The following SPRED1 variants were observed in gnomAD, a reference collection of about 807,000 sequenced individuals.
SPRED1 encodes sprouty-related, EVH1 domain-containing protein 1.
SPRED1 carries 18 observed loss-of-function variants against 52.3 expected under a neutral mutation model. The observed-to-expected ratio is 0.34, with a 90% CI of 0.24 to 0.51. The LOEUF is 0.51. SPRED1 is among the 20% of genes least tolerant of loss of function. SPRED1 has a pLI of 0.97. For missense variants in SPRED1, 485 were observed against 551.0 expected (o/e 0.88, Z 1.20); for synonymous variants, 155 against 179.7 (o/e 0.86, Z 1.10).
intron 1 of SPRED1, among the ~76,000 whole-genome samples, chr15:38,262,530 A>G (rs1894227069): frequency 6.6e-6 from 1 of 152,196 alleles, no homozygotes; most frequent in Admixed American, 6.5e-5. Context: ...CAGAAAGAAG[A>G]AAAAGTTGGA....
intron 1 of SPRED1, among the ~76,000 whole-genome samples, chr15:38,290,557 A>T (rs1370543278): frequency 2.0e-5 from 3 of 152,202 alleles, no homozygotes; most frequent in African/African-American, 7.2e-5. Flanking sequence ...CTGCTGATAA[A>T]GACATACCCA....
chr15:38,278,770 AG>A (rs765702692), intron 1 of SPRED1, among the ~76,000 whole-genome samples: 3 of 6,754 alleles, frequency 4.4e-4, no homozygotes, highest in East Asian at 5.2e-3. Context: ...AGAATGACAA[AG>A]AAAAAAAAGT....
At chr15:38,271,523 AAAC>A (rs1255782857) in intron 1 of SPRED1, among the ~76,000 whole-genome samples, 1 of 152,204 alleles carries the variant, frequency 6.6e-6, no homozygotes, top group Non-Finnish European at 1.5e-5. Flanking sequence ...GAAAGGATAG[AAAC>A]TAACATTTTT....
At chr15:38,319,262 A>G (rs1895552270) in intron 2 of SPRED1, among the ~76,000 whole-genome samples, 1 of 152,238 alleles carries the variant, frequency 6.6e-6, no homozygotes, top group Non-Finnish European at 1.5e-5. Context: ...CTTGAATTCT[A>G]GAACTTAATC....
At chr15:38,305,355 CTT>C (rs112141797) in intron 2 of SPRED1, among the ~76,000 whole-genome samples, 1 of 136,286 alleles carries the variant, frequency 7.3e-6, no homozygotes, top group Non-Finnish European at 1.5e-5. Flanking sequence ...AAAAAAAAAA[CTT>C]TTTTTTTTTT....
chr15:38,274,185 G>A (rs1894497533), intron 1 of SPRED1, among the ~76,000 whole-genome samples: 1 of 152,162 alleles, frequency 6.6e-6, no homozygotes, highest in South Asian at 2.1e-4. Context: ...TTTAGAAAAA[G>A]TTTTTCCCTT....
intron 1 of SPRED1, among the ~76,000 whole-genome samples, chr15:38,261,562 TTTTTG>T (rs1334373648): frequency 6.6e-6 from 1 of 152,014 alleles, no homozygotes; most frequent in African/African-American, 2.4e-5. Flanking sequence ...TTTGTTTTTG[TTTTTG>T]TTTTTGTTTT....
At chr15:38,322,021 A>G (rs1485361458) in intron 2 of SPRED1, among the ~76,000 whole-genome samples, 1 of 152,202 alleles carries the variant, frequency 6.6e-6, no homozygotes, top group African/African-American at 2.4e-5. Flanking sequence ...GTGTATTCTT[A>G]AAATGGGAGT....
At chr15:38,313,797 T>G (rs776951172) in intron 2 of SPRED1, among the ~76,000 whole-genome samples, 10 of 151,830 alleles carry the variant, frequency 6.6e-5, no homozygotes, top group Non-Finnish European at 1.3e-4. Flanking sequence ...AATTGGACAT[T>G]GAGTTCATTT....
chr15:38,329,787 C>T (rs1308923641), intron 4 of SPRED1, among the ~76,000 whole-genome samples: 1 of 152,078 alleles, frequency 6.6e-6, no homozygotes, highest in Non-Finnish European at 1.5e-5. Context: ...CTTCTGGCAT[C>T]TTGTATACAA....
chr15:38,312,168 A>G (rs1256441899), intron 2 of SPRED1, among the ~76,000 whole-genome samples: 1 of 152,136 alleles, frequency 6.6e-6, no homozygotes, highest in Non-Finnish European at 1.5e-5. Flanking sequence ...TTGTGTTTCT[A>G]AATGGTTTCT....
intron 1 of SPRED1, among the ~76,000 whole-genome samples, chr15:38,272,084 G>A (rs8032426): frequency 0.78 from 117,945 of 151,988 alleles, 47,145 homozygotes; most frequent in Non-Finnish European, 0.87. Flanking sequence ...ACATGATTTT[G>A]TTCTTCTTTG....
chr15:38,265,140 CAT>C (rs941750883), intron 1 of SPRED1, among the ~76,000 whole-genome samples: 8 of 152,140 alleles, frequency 5.3e-5, no homozygotes, highest in African/African-American at 1.7e-4. Context: ...TCACAACTAA[CAT>C]AATCCTGGGG....
intron 5 of SPRED1, among the ~76,000 whole-genome samples, chr15:38,346,397 A>G (rs1329773694): frequency 1.3e-5 from 2 of 152,156 alleles, no homozygotes; most frequent in African/African-American, 4.8e-5. Context: ...TCTTTAACTC[A>G]GTTTCTCTTA....
chr15:38,275,922 T>G (rs1048123399), intron 1 of SPRED1, among the ~76,000 whole-genome samples: 1 of 152,240 alleles, frequency 6.6e-6, no homozygotes, highest in Non-Finnish European at 1.5e-5. Context: ...TTGTGGAGTC[T>G]GGGTTCTTTC....
chr15:38,300,318 AAAG>A (rs1406278085), intron 2 of SPRED1, among the ~76,000 whole-genome samples: 3 of 152,222 alleles, frequency 2.0e-5, no homozygotes, highest in African/African-American at 4.8e-5. Context: ...GTATCAAGAA[AAAG>A]AAGAGCATAC....
At chr15:38,322,656 C>T (rs1028673543) in intron 3 of SPRED1, among the ~76,000 whole-genome samples, 2 of 152,132 alleles carry the variant, frequency 1.3e-5, no homozygotes, top group South Asian at 2.1e-4. Flanking sequence ...CAACAGCTGA[C>T]TTCAGATAAT....
rs1185367581 is a variant in SPRED1, at chr15:38,351,850, G to A, written c.*186G>A. 3 of 689,636 alleles carry A rather than the reference G, an allele frequency of 4.4e-6. No homozygotes were observed. The African/African-American group carries it at 5.4e-5, about 12-fold the overall frequency. 42.7% of individuals were successfully genotyped at this position (689,636 alleles called of 1,614,324 possible). A position where few individuals can be genotyped will look rare whatever the true frequency, so the allele number is the denominator to read the frequency against. ...GCCTAACTTTTCCCTTGAGTGCATG[G>A]CATGTTTTGTTACAGGTTGTAGAGT... On this transcript the variant is annotated 3_prime_UTR_variant, in exon 7 of 7. Coordinates refer to ENST00000299084, the MANE Select transcript of SPRED1 (RefSeq NM_152594.3).
intron 1 of SPRED1, among the ~76,000 whole-genome samples, chr15:38,254,800 C>T (rs1255428372): frequency 2.0e-5 from 3 of 152,180 alleles, no homozygotes; most frequent in African/African-American, 7.2e-5. Flanking sequence ...ACAGTCTCTC[C>T]CTGCCTTCTG....
Sources: allele counts gnomAD v4.1 joint callset (sites outside exome capture counted in the v4.1 genomes callset), GRCh38; gene constraint gnomAD v4.1.1; transcripts MANE v1.5; gene names NCBI Gene and HGNC (gene_info 2026-07-23, HGNC 2026-07-21).